SF3A2: variants seen among roughly 807,000 people sequenced by gnomAD.
SF3A2 encodes the protein splicing factor 3a subunit 2.
A neutral mutation model predicts 31.1 loss-of-function variants in SF3A2; 5 were observed. The ratio of observed to expected loss-of-function variants is 0.16; its 90% CI spans 0.08 to 0.34. The LOEUF is 0.34. Ranked by LOEUF, SF3A2 falls within the 10% of genes least tolerant of loss-of-function variation. SF3A2 has a pLI of 1.00. For missense variants in SF3A2, 577 were observed against 643.9 expected, an observed-to-expected ratio of 0.90 and a Z score of 1.13; for synonymous variants, 365 against 263.7, an observed-to-expected ratio of 1.38 and a Z score of -3.72.
At chr19:2,244,027 C>T (rs2024911538) in intron 2 of SF3A2, among the ~76,000 whole-genome samples, 1 of 152,214 alleles carries the variant, frequency 6.6e-6, no homozygotes, top group African/African-American at 2.4e-5. Flanking sequence ...GGGGGTGCCA[C>T]AGCCGCAGAT....
chr19:2,247,855 C>T lies in SF3A2; in HGVS notation c.704C>T (p.Pro235Leu), dbSNP rs2024954488. The T allele has an allele frequency of 2.0e-6, 3 of 1,534,326 alleles. No homozygotes were observed. Among genetic ancestry groups the T allele is most frequent in the Non-Finnish European group, 2.7e-6 (3 of 1,115,304 alleles). Reference sequence around the variant, plus strand: ...CCCCCTGGGGTGAAGCGGCCTCCACCCCCGCTGATGAACGGTCTGCCCCCT... The same window carrying T: ...CCCCCTGGGGTGAAGCGGCCTCCACTCCCGCTGATGAACGGTCTGCCCCCT... ...AGPPGVKRPP[P>L]PLMNGLPPRP... is the part of the protein sequence containing the mutation. The change falls in exon 9 of 9, where the codon CCC becomes CTC. Residue 235 changes from proline to leucine, a missense_variant. Pro to Leu is a moderately conservative substitution (Grantham distance 98). Coordinates refer to ENST00000221494, the MANE Select transcript of SF3A2 (RefSeq NM_007165.5).
At chr19:2,244,125 T>C (rs904882710) in intron 2 of SF3A2, among the ~76,000 whole-genome samples, 4 of 152,326 alleles carry the variant, frequency 2.6e-5, no homozygotes, top group Non-Finnish European at 2.9e-5. Context: ...GGGCGGGTCT[T>C]TGGGTCTTCA....
In SF3A2 at chr19:2,247,656, C is replaced by T. The variant is rs535308842; in HGVS notation, c.609C>T (p.Thr203=). ...GKFWTHWNRE[T]KQFFLQFHFK... ...TCTGGACACACTGGAACCGGGAGAC[C>T]AAGCAGGTGAGTGGCTCGCCCCGAG... Residue 203 remains threonine, a synonymous_variant, in exon 8 of 9, where the codon ACC becomes ACT. Coordinates refer to ENST00000221494, the MANE Select transcript of SF3A2 (RefSeq NM_007165.5). 2 of 1,613,406 alleles carry T rather than the reference C, an allele frequency of 1.2e-6. No individual in the cohort carries two copies. Among genetic ancestry groups the T allele is most frequent in the Admixed American group, 1.7e-5 (1 of 60,006 alleles).
chr19:2,248,110 C>A lies in SF3A2; in HGVS notation c.959C>A (p.Pro320His). 8.1e-7 allele frequency: 1 copy of A among 1,230,778 alleles called. No individual in the cohort carries two copies. 76.2% of individuals were successfully genotyped at this position (1,230,778 alleles called of 1,614,324 possible). A position where few individuals can be genotyped will look rare whatever the true frequency, so the allele number is the denominator to read the frequency against. Residue 320 changes from proline (P) to histidine (H), a missense_variant, in exon 9 of 9, where the codon CCT (proline) becomes CAT (histidine). Around this residue, in one of 6 missense-constraint regions of SF3A2, gnomAD observed 462 missense variants for 339.1 expected, o/e 1.36. Transcript: ENST00000221494. ...PPAPGVHPPA[P>H]GVHPPTSGVH... ...GCTCCTGGCGTCCATCCCCCAGCCCCTGGGGTCCACCCACCAACCTCTGGG... is the reference window on the plus strand; with the variant it reads ...GCTCCTGGCGTCCATCCCCCAGCCCATGGGGTCCACCCACCAACCTCTGGG...
Position 2,246,820 on chromosome 19 carries a change from G to A in SF3A2, c.405+18G>A. 3.1e-6 allele frequency: 5 copies of A among 1,613,782 alleles called. No homozygotes were observed. The highest frequency in any genetic ancestry group is 4.2e-6 in the Non-Finnish European group (5 of 1,179,958). ...TCTTCCAGGTGAGATCAGGGACTTG[G>A]GCGTGGGGGGCGGCCAAAGGCACCC... On this transcript the variant is annotated intron_variant, in intron 6 of 8. Transcript: ENST00000221494. This position sits in a 1 kb window ranked among gnomAD's most constrained non-coding sequence, Gnocchi z 5.5.
intron 1 of SF3A2, among the ~76,000 whole-genome samples, chr19:2,241,301 CG>C (rs1433261351): frequency 1.3e-5 from 2 of 152,224 alleles, no homozygotes; most frequent in Admixed American, 1.3e-4. Context: ...CCTTCTCACA[CG>C]TTCCCCCGAG....
chr19:2,242,857 A>T (rs1175370755), intron 1 of SF3A2, among the ~76,000 whole-genome samples: 1 of 152,160 alleles, frequency 6.6e-6, no homozygotes, highest in African/African-American at 2.4e-5. Flanking sequence ...CTCAGTGAGG[A>T]TGCGAAGATC....
chr19:2,247,469 C>G lies in SF3A2; in HGVS notation c.547-125C>G, dbSNP rs552261312. ...AACCCTGTGCCCCACGAAAGTCTTA[C>G]CAGCCTTCTCCTGGGCTCCCAGGGT... On this transcript the variant is annotated intron_variant, in intron 7 of 8. Coordinates refer to ENST00000221494, the MANE Select transcript of SF3A2 (RefSeq NM_007165.5). The G allele has an allele frequency of 6.5e-6, 6 of 917,382 alleles. No individual in the cohort carries two copies. In the East Asian group the frequency reaches 1.0e-4, roughly 15 times the overall value. The allele number at this position is 917,382 out of a possible 1,614,324, so 56.8% of individuals were successfully genotyped here.
intron 1 of SF3A2, among the ~76,000 whole-genome samples, chr19:2,241,010 A>G (rs1441509768): frequency 6.6e-6 from 1 of 152,094 alleles, no homozygotes; most frequent in East Asian, 1.9e-4. Flanking sequence ...ATGAGGACGC[A>G]TGGGTGGGCG....
In SF3A2 at chr19:2,243,560, T is replaced by C; in HGVS notation, c.126+16T>C. On this transcript the variant is annotated intron_variant, in intron 2 of 8. Transcript: ENST00000221494. Reference sequence around the variant, plus strand: ...CATCAACAAGGTGGGCCAGCCACCGTGCAGCTGCCTGTGGTGGGTGCTGGG... The same window carrying C: ...CATCAACAAGGTGGGCCAGCCACCGCGCAGCTGCCTGTGGTGGGTGCTGGG... 5.2e-6 allele frequency: 8 copies of C among 1,535,506 alleles called. No individual in the cohort carries two copies. Among genetic ancestry groups the C allele is most frequent in the Non-Finnish European group, 7.0e-6 (8 of 1,150,244 alleles).
At chr19:2,236,982 G>A (rs2024828094) in intron 1 of SF3A2, 81 bp downstream of exon 1, 2 of 152,072 alleles carry the variant, frequency 1.3e-5, no homozygotes, top group Non-Finnish European at 2.9e-5. Context: ...GGAGAGAGGC[G>A]CTTGCGACAG....
chr19:2,237,661 T>C (rs1306183186), intron 1 of SF3A2: 1 of 152,198 alleles, frequency 6.6e-6, no homozygotes, highest in Non-Finnish European at 1.5e-5. Context: ...CCGCCTTCCT[T>C]GTAGCCGAGA....
At chr19:2,242,293 G>T (rs949216154) in intron 1 of SF3A2, among the ~76,000 whole-genome samples, 1 of 152,246 alleles carries the variant, frequency 6.6e-6, no homozygotes, top group African/African-American at 2.4e-5. Context: ...TCTGGTTCTG[G>T]GGTCAGAGTC....
At position 2,246,722 on chromosome 19, in the gene SF3A2, A is replaced by C. The variant is rs751030537; in HGVS notation, c.356-31A>C. On this transcript the variant is annotated intron_variant, in intron 5 of 8. Coordinates refer to ENST00000221494, the MANE Select transcript of SF3A2 (RefSeq NM_007165.5). The surrounding 1 kb of genome is among the most constrained non-coding windows in gnomAD (Gnocchi z 5.5). ...TTCCTCAGCTTCGGAGAGGACAAGC[A>C]GCCGGGACCTGAGAGCTTTCTGTGT... The C allele has an allele frequency of 1.2e-6, 2 of 1,613,714 alleles. 1 individual carries two copies. Among genetic ancestry groups the C allele is most frequent in the South Asian group, 2.2e-5 (2 of 91,076 alleles).
intron 1 of SF3A2, among the ~76,000 whole-genome samples, chr19:2,239,523 C>T (rs961065270): frequency 3.3e-5 from 5 of 152,100 alleles, no homozygotes; most frequent in African/African-American, 9.7e-5. Flanking sequence ...TCCTTGGTGT[C>T]GTAAAATTTC....
chr19:2,243,338 C>T (rs762789908), intron 1 of SF3A2, 44 bp from the exon 2 acceptor site: 112 of 1,433,820 alleles, frequency 7.8e-5, no homozygotes, highest in South Asian at 1.4e-4. Flanking sequence ...GCAGCAGCCC[C>T]GAGTTCTGAG....
At chr19:2,238,764 T>C (rs1315740034) in intron 1 of SF3A2, among the ~76,000 whole-genome samples, 1 of 152,218 alleles carries the variant, frequency 6.6e-6, no homozygotes, top group Non-Finnish European at 1.5e-5. Context: ...TTTAAATAAA[T>C]TGATCTCCCC....
At chr19:2,243,601 C>G in intron 2 of SF3A2, 57 bp downstream of exon 2, 1 of 1,474,160 alleles carries the variant, frequency 6.8e-7, no homozygotes, top group Non-Finnish European at 8.9e-7. Context: ...CAGGGCAGCC[C>G]TGGAGAGGGT....
rs2024922508 is a variant in SF3A2 at position 2,245,324 on chromosome 19, T to C, written c.246-122T>C. Reference sequence around the variant, plus strand: ...AACCCCAGGGCCCCTCCCAGGCCCCTGGCCCTCCTCATCTCTCAGCTTGTA... The same window carrying C: ...AACCCCAGGGCCCCTCCCAGGCCCCCGGCCCTCCTCATCTCTCAGCTTGTA... On this transcript the variant is annotated intron_variant, in intron 4 of 8. Transcript: ENST00000221494. The surrounding 1 kb of genome is among the most constrained non-coding windows in gnomAD (Gnocchi z 4.2). 9 of 694,104 alleles carry C rather than the reference T, an allele frequency of 1.3e-5. No homozygotes were observed. The highest frequency in any genetic ancestry group is 1.8e-5 in the South Asian group (1 of 54,440). The allele number at this position is 694,104 out of a possible 1,614,324, so 43.0% of individuals were successfully genotyped here. A position where few individuals can be genotyped will look rare whatever the true frequency, so the allele number is the denominator to read the frequency against.
Sources: allele counts gnomAD v4.1 joint callset (sites outside exome capture counted in the v4.1 genomes callset), GRCh38; gene constraint gnomAD v4.1.1; regional missense constraint gnomAD v4.1.1; non-coding constraint Gnocchi (gnomAD v3.1); transcripts MANE v1.5; gene names NCBI Gene and HGNC (gene_info 2026-07-23, HGNC 2026-07-21).